The following GC variants were observed in gnomAD, a reference collection of about 807,000 sequenced individuals.
GC encodes GC vitamin D binding protein.
In GC, 43 loss-of-function variants were observed where a neutral mutation model predicts 56.7. The ratio of observed to expected loss-of-function variants is 0.76; its 90% CI spans 0.59 to 0.98. The LOEUF (loss-of-function observed/expected upper bound fraction) is 0.98. GC is among the 50% of genes least tolerant of loss of function. The pLI is 0.00. For synonymous variants in GC, 216 were observed against 202.7 expected (o/e 1.07, Z -0.56); for missense variants, 529 against 545.9 (o/e 0.97, Z 0.31).
upstream of GC, among the ~76,000 whole-genome samples, chr4:71,788,169 A>G (rs1742885977): frequency 6.7e-6 from 1 of 148,698 alleles, no homozygotes; most frequent in Admixed American, 6.9e-5. Flanking sequence ...TTTAAAAATG[A>G]AAGACATGCT....
intron 11 of GC, among the ~76,000 whole-genome samples, chr4:71,750,938 G>A (rs563954153): frequency 4.0e-4 from 61 of 152,070 alleles, no homozygotes; most frequent in African/African-American, 1.4e-3. Flanking sequence ...AATTCTAATT[G>A]GCATGAAATC....
intron 9 of GC, 148 bp from the exon 10 acceptor site, chr4:71,754,656 G>A: frequency 1.5e-6 from 1 of 661,728 alleles, no homozygotes; most frequent in Non-Finnish European, 2.7e-6. Context: ...AGGGTTTGCA[G>A]GCCATATGTG....
rs748063583 is a variant in GC, at chr4:71,755,102, G to A, written c.1040C>T (p.Thr347Ile). The A allele has an allele frequency of 3.0e-5, 46 of 1,543,040 alleles. No individual in the cohort carries two copies. The highest frequency in any genetic ancestry group is 3.9e-5 in the Non-Finnish European group (44 of 1,136,368). Reference sequence around the variant, plus strand: ...ATGAGTCCTTCTGCTTAGTTCAAATGTATACCTAGCATGAGGGAGAAAAGG... The same window carrying A: ...ATGAGTCCTTCTGCTTAGTTCAAATATATACCTAGCATGAGGGAGAAAAGG... Reference protein sequence around the residue: ...PGNTKVMDKYTFELSRRTHLP... With the variant: ...PGNTKVMDKYIFELSRRTHLP... Residue 347 changes from threonine (T) to isoleucine (I), a missense_variant, in exon 9 of 13, where the codon ACA becomes ATA. By Grantham distance (89) the Thr-to-Ile change is moderately conservative. Coordinates refer to ENST00000273951, the MANE Select transcript of GC (RefSeq NM_000583.4).
At chr4:71,771,815 T>C (rs1000944681) in intron 1 of GC, among the ~76,000 whole-genome samples, 27 of 152,152 alleles carry the variant, frequency 1.8e-4, no homozygotes, top group Non-Finnish European at 7.4e-5. Flanking sequence ...ATTAATGGTA[T>C]TTTATGGAAT....
At chr4:71,791,920 C>G (rs55815811) in intron 1 of GC, among the ~76,000 whole-genome samples, 35,483 of 151,914 alleles carry the variant, frequency 0.23, 4,682 homozygotes, top group African/African-American at 0.37. Flanking sequence ...GCGGTGTTTG[C>G]TTTTCTGTCC....
chr4:71,792,185 A>T (rs1272843930), intron 1 of GC, among the ~76,000 whole-genome samples: 3 of 152,196 alleles, frequency 2.0e-5, no homozygotes, highest in Non-Finnish European at 4.4e-5. Flanking sequence ...ATACCCAGTA[A>T]TGGGATGGCT....
At chr4:71,786,130 A>G (rs1742827666), upstream of GC, 1 of 151,894 alleles carries the variant, frequency 6.6e-6, no homozygotes, top group Admixed American at 6.6e-5. Context: ...GAATTGCAAC[A>G]TCTCATTTAG....
intron 1 of GC, among the ~76,000 whole-genome samples, chr4:71,779,255 G>A (rs1742600588): frequency 6.6e-6 from 1 of 151,812 alleles, no homozygotes; most frequent in Non-Finnish European, 1.5e-5. Flanking sequence ...GTTACAATAA[G>A]CAAATGAACA....
chr4:71,763,829 CT>C lies in GC; in HGVS notation c.580del (p.Ser194AlafsTer7). ...CTCTTTCAAAAAGCATACAGTTGGG[CT>C]TGCAGAGGTACAGCAGGACCCTACC... is the stretch of plus-strand genomic sequence containing the variant. ...SMVGSCCTSA[S>X]PTVCFLKERL... On this transcript the variant is annotated frameshift_variant, in exon 5 of 13. Transcript: ENST00000273951. LOFTEE classifies it high-confidence loss of function. The C allele has an allele frequency of 6.2e-7, 1 of 1,613,112 alleles. No homozygotes were observed. Among genetic ancestry groups the C allele is most frequent in the Non-Finnish European group, 8.5e-7 (1 of 1,179,246 alleles).
At chr4:71,791,898 GA>G (rs1368186079) in intron 1 of GC, among the ~76,000 whole-genome samples, 1 of 152,090 alleles carries the variant, frequency 6.6e-6, no homozygotes, top group Non-Finnish European at 1.5e-5. Flanking sequence ...TCCCACCTAT[GA>G]ATGAGAACAT....
At chr4:71,745,733 T>C (rs1383263607) in intron 12 of GC, among the ~76,000 whole-genome samples, 1 of 152,216 alleles carries the variant, frequency 6.6e-6, no homozygotes, top group Non-Finnish European at 1.5e-5. Flanking sequence ...GTAATAATAT[T>C]TCAACAGTAT....
intron 11 of GC, among the ~76,000 whole-genome samples, chr4:71,750,915 T>A (rs546103330): frequency 6.6e-6 from 1 of 151,286 alleles, no homozygotes; most frequent in Non-Finnish European, 1.5e-5. Context: ...AAAAAACGGG[T>A]TTAAGGGCTT....
At chr4:71,759,376 A>G (rs369345464) in intron 6 of GC, 1 of 152,316 alleles carries the variant, frequency 6.6e-6, no homozygotes, top group African/African-American at 2.4e-5. Flanking sequence ...TTCCATAATG[A>G]TTGAACCACT....
rs190653182 is a variant in GC at position 71,749,649 on chromosome 4, A to G, written c.1395+2869T>C. On this transcript the variant is annotated intron_variant, in intron 11 of 12. Coordinates refer to ENST00000273951, the MANE Select transcript of GC (RefSeq NM_000583.4). ...AACTAAATTTAGATTACTAAAAGCAACTTGGTATGAAAAGAAAGAACTGTT... is the reference window on the plus strand; with the variant it reads ...AACTAAATTTAGATTACTAAAAGCAGCTTGGTATGAAAAGAAAGAACTGTT... Among the ~76,000 whole-genome samples the G allele has an allele frequency of 3.3e-5, 5 of 152,354 alleles. No homozygotes were observed. The East Asian group carries it at 9.6e-4, about 29-fold the overall frequency.
At chr4:71,775,185 T>C (rs1201218446) in intron 1 of GC, among the ~76,000 whole-genome samples, 3 of 151,930 alleles carry the variant, frequency 2.0e-5, no homozygotes, top group Non-Finnish European at 4.4e-5. Context: ...ATAGATCTTA[T>C]AAAGGCAGCA....
intron 11 of GC, among the ~76,000 whole-genome samples, chr4:71,751,274 C>T (rs1220333979): frequency 6.6e-6 from 1 of 152,134 alleles, no homozygotes; most frequent in Non-Finnish European, 1.5e-5. Flanking sequence ...CACTTGAAAT[C>T]TCAGAAGTCG....
intron 1 of GC, among the ~76,000 whole-genome samples, chr4:71,800,616 CA>C (rs910868223): frequency 1.1e-4 from 17 of 152,122 alleles, no homozygotes; most frequent in Non-Finnish European, 2.2e-4. Context: ...ATTGCTGGGT[CA>C]AACAGTATTT....
chr4:71,765,784 G>A (rs2149300857), intron 3 of GC, 141 bp from the exon 4 acceptor site: 2 of 615,784 alleles, frequency 3.2e-6, no homozygotes, highest in Middle Eastern at 8.9e-4. Flanking sequence ...TCCATGAAGT[G>A]ATTTTTTAAC....
intron 1 of GC, among the ~76,000 whole-genome samples, chr4:71,794,431 A>G (rs1279049656): frequency 1.3e-5 from 2 of 152,124 alleles, no homozygotes; most frequent in African/African-American, 4.8e-5. Context: ...TATATTTTCT[A>G]GTTTATTTGC....
Sources: gnomAD v4.1 joint callset for allele counts (sites outside exome capture counted in the v4.1 genomes callset) on GRCh38, gnomAD v4.1.1 for gene constraint, MANE v1.5 for transcripts, NCBI Gene and HGNC (gene_info 2026-07-23, HGNC 2026-07-21) for gene names.